Variants in ADGRB1 observed in about 807,000 individuals in gnomAD.
The protein encoded by ADGRB1 is adhesion G protein-coupled receptor B1.
ADGRB1 carries 36 observed loss-of-function variants against 175.7 expected under a neutral mutation model. That is an observed-to-expected ratio of 0.20 (90% confidence interval 0.16 to 0.27). The LOEUF is 0.27. Ranked by LOEUF, ADGRB1 falls within the 10% of genes least tolerant of loss-of-function variation. The pLI is 1.00. For synonymous variants in ADGRB1, 1,054 were observed against 979.4 expected (o/e 1.08, Z -1.42); for missense variants, 1,731 against 2,255.3 (o/e 0.77, Z 4.71).
rs1587456972 is a variant in ADGRB1, at chr8:142,543,502, G to A, written c.4449+64G>A. The A allele has an allele frequency of 2.1e-5, 34 of 1,608,898 alleles. No homozygotes were observed. In the East Asian group the frequency reaches 6.9e-4, roughly 33 times the overall value. ...CAGATGTGCTCTGGGCTCCCACACG[G>A]CCAGGCAGCTCCCCGGCAGCCAGGG... On this transcript the variant is annotated intron_variant, in intron 29 of 30. Coordinates refer to ENST00000517894, the MANE Select transcript of ADGRB1 (RefSeq NM_001702.3). This position sits in a 1 kb window ranked among gnomAD's most constrained non-coding sequence, Gnocchi z 4.4.
At chr8:142,491,300 G>A (rs1010160420) in intron 17 of ADGRB1, among the ~76,000 whole-genome samples, 1 of 152,228 alleles carries the variant, frequency 6.6e-6, no homozygotes, top group African/African-American at 2.4e-5. Context: ...CCAGTTGCAG[G>A]CCAAGCACTT....
At position 142,520,809 on chromosome 8, in the gene ADGRB1, T is replaced by C; in HGVS notation, c.2922-14T>C. On this transcript the variant is annotated splice_polypyrimidine_tract_variant and intron_variant, in intron 19 of 30. Transcript: ENST00000517894. ...CTGTTGGGTGCTGACCTTGGGCCCC[T>C]GCACTCTCCACAGGTACATTCGCTC... 6.2e-7 allele frequency: 1 copy of C among 1,611,368 alleles called. No homozygotes were observed. The highest frequency in any genetic ancestry group is 1.3e-5 in the African/African-American group (1 of 74,890).
At chr8:142,515,695 A>G (rs1400986151) in intron 18 of ADGRB1, among the ~76,000 whole-genome samples, 1 of 150,318 alleles carries the variant, frequency 6.7e-6, no homozygotes, top group Non-Finnish European at 1.5e-5. Flanking sequence ...CTGCGCTGGT[A>G]AAGTTACCGG....
chr8:142,502,431 GGTGGTA>G (rs1365386017), intron 17 of ADGRB1, among the ~76,000 whole-genome samples: 1,343 of 7,554 alleles, frequency 0.18, 344 homozygotes, highest in Non-Finnish European at 0.2. Flanking sequence ...TGGTGGTGGT[GGTGGTA>G]GTGGTGGTGA....
intron 24 of ADGRB1, among the ~76,000 whole-genome samples, chr8:142,530,444 A>T (rs1355115237): frequency 6.6e-6 from 1 of 152,078 alleles, no homozygotes; most frequent in Non-Finnish European, 1.5e-5. Flanking sequence ...GCCTCCCTCA[A>T]CCCAAGGTGA....
chr8:142,487,962 CT>C (rs1157405726), intron 13 of ADGRB1, among the ~76,000 whole-genome samples: 1 of 152,208 alleles, frequency 6.6e-6, no homozygotes, highest in Non-Finnish European at 1.5e-5. Flanking sequence ...CTGGGCTCCC[CT>C]GTCCCAGGAG....
chr8:142,465,092 C>A, intron 2 of ADGRB1, 110 bp downstream of exon 2: 1 of 168,818 alleles, frequency 5.9e-6, no homozygotes, highest in African/African-American at 3.6e-5. Flanking sequence ...AGGAGGTGGG[C>A]GGGCAGGCGG....
At chr8:142,539,342 G>A (rs1474495897) in intron 26 of ADGRB1, 32 bp from the exon 27 acceptor site, 49 of 1,564,840 alleles carry the variant, frequency 3.1e-5, no homozygotes, top group Non-Finnish European at 3.7e-5. Context: ...TCCCAGAGGC[G>A]CTCACCCTGC....
At position 142,543,623 on chromosome 8, in the gene ADGRB1, G is replaced by A. The variant is rs1354790842; in HGVS notation, c.4472G>A (p.Arg1491Gln). The A allele has an allele frequency of 1.3e-6, 2 of 1,570,818 alleles. No homozygotes were observed. The highest frequency in any genetic ancestry group is 2.4e-5 in the East Asian group (1 of 42,060). The change falls in exon 30 of 31, where the codon CGG (arginine) becomes CAG (glutamine). Residue 1491 changes from arginine to glutamine, a missense_variant. This residue lies in a region of ADGRB1 where 394 missense variants were observed against 410.2 expected (regional missense o/e 0.96). Coordinates refer to ENST00000517894, the MANE Select transcript of ADGRB1 (RefSeq NM_001702.3). This position sits in a 1 kb window ranked among gnomAD's most constrained non-coding sequence, Gnocchi z 4.4. Reference sequence around the variant, plus strand: ...CAGAAGATCATGCACACCCGGAAGCGGCACCAAGACATGTTCCAGGACCTG... The same window carrying A: ...CAGAAGATCATGCACACCCGGAAGCAGCACCAAGACATGTTCCAGGACCTG... The part of the protein sequence containing the change: ...DFEKIMHTRK[R>Q]HQDMFQDLNR...
chr8:142,538,385 G>A (rs1008199074), intron 26 of ADGRB1, among the ~76,000 whole-genome samples: 4 of 152,192 alleles, frequency 2.6e-5, no homozygotes, highest in African/African-American at 9.7e-5. Flanking sequence ...GTGACGTCCA[G>A]GCAGGCCCCT....
At chr8:142,454,719 C>T (rs1420980645) in intron 1 of ADGRB1, among the ~76,000 whole-genome samples, 5 of 152,154 alleles carry the variant, frequency 3.3e-5, no homozygotes, top group Non-Finnish European at 7.4e-5. Context: ...ATCCCCCTTC[C>T]CCCGCAAAGC....
At position 142,476,707 on chromosome 8, in the gene ADGRB1, G is replaced by A; in HGVS notation, c.1057+12G>A. 6.5e-7 allele frequency: 1 copy of A among 1,540,914 alleles called. No individual in the cohort carries two copies. Among genetic ancestry groups the A allele is most frequent in the South Asian group, 1.2e-5 (1 of 83,582 alleles). ...AGCCCCCCAGACCGGTGAGCTGGCG[G>A]GAGGGGGGTGGGTGGGACTAGGGCT... On this transcript the variant is annotated intron_variant, in intron 4 of 30. Coordinates refer to ENST00000517894, the MANE Select transcript of ADGRB1 (RefSeq NM_001702.3).
intron 25 of ADGRB1, among the ~76,000 whole-genome samples, chr8:142,534,730 G>C (rs1027579388): frequency 6.6e-6 from 1 of 152,232 alleles, no homozygotes; most frequent in African/African-American, 2.4e-5. Context: ...CAGGAAAACA[G>C]CGTGGGGACA....
chr8:142,459,705 C>T (rs966536985), intron 1 of ADGRB1, among the ~76,000 whole-genome samples: 1 of 152,174 alleles, frequency 6.6e-6, no homozygotes, highest in Non-Finnish European at 1.5e-5. Context: ...TATGCACGGG[C>T]ACACACAGGC....
At position 142,515,794 on chromosome 8, in the gene ADGRB1, C is replaced by G. The variant is rs184422860; in HGVS notation, c.2818-2344C>G. On this transcript the variant is annotated intron_variant, in intron 18 of 30. Coordinates refer to ENST00000517894, the MANE Select transcript of ADGRB1 (RefSeq NM_001702.3). ...ATGGGAGAAGTACCGGATGATGGGA[C>G]TTCAATTCCAGAGGACCACCAGTTT... 5.3e-5 allele frequency among the ~76,000 whole-genome samples: 8 copies of G among 152,346 alleles called. No homozygotes were observed. The East Asian group carries it at 1.2e-3, about 22-fold the overall frequency.
intron 20 of ADGRB1, 127 bp from the exon 21 acceptor site, chr8:142,521,838 G>T: frequency 9.1e-7 from 1 of 1,096,720 alleles, no homozygotes; most frequent in Non-Finnish European, 1.3e-6. Flanking sequence ...CTTCTGCCTG[G>T]GGACCTGGTT....
chr8:142,534,427 G>A (rs1338908633), intron 25 of ADGRB1, among the ~76,000 whole-genome samples: 1 of 152,230 alleles, frequency 6.6e-6, no homozygotes. Flanking sequence ...CACAGCTGAA[G>A]ATGGGGATGC....
chr8:142,542,467 C>T lies in ADGRB1; in HGVS notation c.4233C>T (p.Pro1411=). The T allele has an allele frequency of 7.6e-7, 1 of 1,307,748 alleles. No individual in the cohort carries two copies. Among genetic ancestry groups the T allele is most frequent in the Non-Finnish European group, 1.0e-6 (1 of 997,040 alleles). The allele number at this position is 1,307,748 out of a possible 1,614,324, so 81.0% of individuals were successfully genotyped here. A position where few individuals can be genotyped will look rare whatever the true frequency, so the allele number is the denominator to read the frequency against. Reference sequence around the variant, plus strand: ...CCCCCGAGGCACCCCCTGCCCAGCCCCCACCGCCTCCGCCCCCACCGCCAC... The same window carrying T: ...CCCCCGAGGCACCCCCTGCCCAGCCTCCACCGCCTCCGCCCCCACCGCCAC... ...GGPPEAPPAQ[P]PPPPPPPPPP... The change falls in exon 28 of 31, where the codon CCC becomes CCT. Residue 1411 remains proline (P), a synonymous_variant. Transcript: ENST00000517894. The surrounding 1 kb of genome is among the most constrained non-coding windows in gnomAD (Gnocchi z 6.3).
At chr8:142,540,824 G>C (rs1227121220) in intron 27 of ADGRB1, among the ~76,000 whole-genome samples, 1 of 152,084 alleles carries the variant, frequency 6.6e-6, no homozygotes, top group African/African-American at 2.4e-5. Context: ...GACGAGGGAA[G>C]GGGCGGGGCT....
Sources: gnomAD v4.1 joint callset for allele counts (sites outside exome capture counted in the v4.1 genomes callset) on GRCh38, gnomAD v4.1.1 for gene constraint, gnomAD v4.1.1 regional missense constraint, Gnocchi (gnomAD v3.1) non-coding constraint, MANE v1.5 for transcripts, NCBI Gene and HGNC (gene_info 2026-07-23, HGNC 2026-07-21) for gene names.